Variants in ARID4B observed in about 807,000 individuals in gnomAD.
ARID4B encodes the protein AT-rich interaction domain 4B, also known as AT-rich interactive domain-containing protein 4B.
In ARID4B, 26 loss-of-function variants were observed where a neutral mutation model predicts 147.5. The ratio of observed to expected loss-of-function variants is 0.18; its 90% confidence interval spans 0.13 to 0.24. The LOEUF (loss-of-function observed/expected upper bound fraction) is 0.24, where lower values mean the gene tolerates loss of function less well. ARID4B is among the 10% of genes least tolerant of loss of function. The probability of loss-of-function intolerance (pLI) is 1.00; values close to 1 mark genes in which losing one functional copy is unlikely to be tolerated. For missense variants in ARID4B, 1,179 were observed against 1,511.5 expected (o/e 0.78, Z 3.65); for synonymous variants, 512 against 507.9 (o/e 1.01, Z -0.11).
chr1:235,205,145 A>G (rs924794909), intron 17 of ARID4B, among the ~76,000 whole-genome samples: 11 of 152,316 alleles, frequency 7.2e-5, no homozygotes, highest in African/African-American at 2.4e-4. Context: ...GAGTAGAACA[A>G]CTTTGTACTC....
chr1:235,290,424 T>G (rs1672260900), intron 2 of ARID4B, among the ~76,000 whole-genome samples: 2 of 141,362 alleles, frequency 1.4e-5, no homozygotes, highest in Admixed American at 7.5e-5. Flanking sequence ...CAGAATGAGA[T>G]TCCATCACCA....
At chr1:235,282,291 G>A (rs536717809) in intron 2 of ARID4B, among the ~76,000 whole-genome samples, 2 of 152,280 alleles carry the variant, frequency 1.3e-5, no homozygotes, top group South Asian at 4.1e-4. Context: ...AGATCTACTT[G>A]AGAAATGCAT....
chr1:235,279,836 C>G (rs568914261), intron 2 of ARID4B, among the ~76,000 whole-genome samples: 1 of 152,194 alleles, frequency 6.6e-6, no homozygotes, highest in Non-Finnish European at 1.5e-5. Context: ...ACCCTGGATG[C>G]TGAGTTTTAA....
chr1:235,187,890 A>T (rs528187511), intron 19 of ARID4B, among the ~76,000 whole-genome samples: 1 of 152,346 alleles, frequency 6.6e-6, no homozygotes, highest in Admixed American at 6.5e-5. Flanking sequence ...CTAACAGGAA[A>T]AATATGGGAA....
intron 2 of ARID4B, among the ~76,000 whole-genome samples, chr1:235,262,296 C>A (rs987702973): frequency 1.3e-5 from 2 of 152,070 alleles, no homozygotes; most frequent in Non-Finnish European, 2.9e-5. Context: ...TTATATCAGA[C>A]CTCCATAATG....
intron 2 of ARID4B, among the ~76,000 whole-genome samples, chr1:235,318,326 C>A (rs950225579): frequency 1.3e-5 from 2 of 151,942 alleles, no homozygotes; most frequent in African/African-American, 4.8e-5. Context: ...CAGGCGCCCA[C>A]CACCACACCC....
At chr1:235,240,650 C>T (rs183434364) in intron 7 of ARID4B, among the ~76,000 whole-genome samples, 199 bp from the exon 8 acceptor site, 98 of 152,056 alleles carry the variant, frequency 6.4e-4, no homozygotes, top group Non-Finnish European at 1.2e-3. Flanking sequence ...ATCATTTTCC[C>T]AAAAATATTT....
chr1:235,251,263 G>A (rs1418766214), intron 6 of ARID4B, among the ~76,000 whole-genome samples: 2 of 150,972 alleles, frequency 1.3e-5, no homozygotes, highest in Non-Finnish European at 2.9e-5. Context: ...CAAGAGAAGT[G>A]CAAAACGACC....
Position 235,220,507 on chromosome 1 carries a change from T to C in ARID4B, c.1202A>G (p.Asn401Ser), listed in dbSNP as rs760657631. The change falls in exon 15 of 24, where the codon AAC becomes AGC. Residue 401 changes from asparagine (N) to serine (S), a missense_variant. By Grantham distance (46) the Asn-to-Ser change is conservative. Around this residue, in one of 10 missense-constraint regions of ARID4B, gnomAD observed 204 missense variants for 210.9 expected, o/e 0.97. Transcript: ENST00000264183. The stretch of plus-strand genomic sequence containing the variant: ...TGGCAATGCCATCTGAAATTCAATG[T>C]TGGCTGATCTACAGTACTCCTCAAA... The part of the protein sequence containing the change: ...YGFEEYCRSA[N>S]IEFQMALPEK... 3 of 1,612,306 alleles carry C rather than the reference T, an allele frequency of 1.9e-6. No homozygotes were observed. The highest frequency in any genetic ancestry group is 1.3e-5 in the African/African-American group (1 of 74,896).
chr1:235,190,461 A>G (rs1665018766), intron 19 of ARID4B, among the ~76,000 whole-genome samples: 1 of 50,354 alleles, frequency 2.0e-5, no homozygotes, highest in South Asian at 1.3e-3. Flanking sequence ...AAAAGAAAAG[A>G]AAAAAAAAAG....
At chr1:235,288,175 G>T (rs1933250) in intron 2 of ARID4B, among the ~76,000 whole-genome samples, 20,152 of 152,136 alleles carry the variant, frequency 0.13, 1,871 homozygotes, top group Middle Eastern at 0.21. Flanking sequence ...AGCCAGGCGT[G>T]GTGGTGGGCA....
chr1:235,236,967 G>C (rs1283882102), intron 8 of ARID4B, among the ~76,000 whole-genome samples: 1 of 125,322 alleles, frequency 8.0e-6, no homozygotes, highest in East Asian at 2.7e-4. Flanking sequence ...CCGCCTCCCA[G>C]GTTCAAGCGA....
chr1:235,300,773 G>A (rs779275097), intron 2 of ARID4B, among the ~76,000 whole-genome samples: 2 of 151,988 alleles, frequency 1.3e-5, no homozygotes, highest in Admixed American at 6.6e-5. Context: ...GCAGTGGCAC[G>A]ATCTCAGCTC....
chr1:235,322,375 C>G (rs151018258), intron 2 of ARID4B, among the ~76,000 whole-genome samples: 1 of 152,142 alleles, frequency 6.6e-6, no homozygotes, highest in Non-Finnish European at 1.5e-5. Context: ...CCCTTTTATT[C>G]CTACCCAAAC....
chr1:235,237,452 A>G (rs1668680358), intron 8 of ARID4B, among the ~76,000 whole-genome samples: 2 of 152,214 alleles, frequency 1.3e-5, no homozygotes. Context: ...TATATTTATT[A>G]AAACAAATAA....
In ARID4B at chr1:235,185,703, G is replaced by C. The variant is rs181351713; in HGVS notation, c.2126-2910C>G. Among the ~76,000 whole-genome samples, 398 of 152,296 alleles carry C rather than the reference G, an allele frequency of 2.6e-3. 2 individuals are homozygous for C. Among genetic ancestry groups the C allele is most frequent in the Middle Eastern group, 0.024 (7 of 294 alleles). On this transcript the variant is annotated intron_variant, in intron 19 of 23. Transcript: ENST00000264183. ...CTTACCCTCAAACTTCATTGATTGA[G>C]AGTTTCACGAGGTACAGAATTCTAG...
chr1:235,253,770 C>A lies in ARID4B; in HGVS notation c.275-961G>T, dbSNP rs568102327. 7.9e-5 allele frequency among the ~76,000 whole-genome samples: 12 copies of A among 152,244 alleles called. 1 individual carries two copies. In the South Asian group the frequency reaches 2.5e-3, roughly 32 times the overall value. On this transcript the variant is annotated intron_variant, in intron 5 of 23. Transcript: ENST00000264183. The stretch of plus-strand genomic sequence containing the variant: ...GGGATATGCTACATTCCTTAGAAAT[C>A]ATGGGAAGACAGTAACTCTGTTTTA...
At chr1:235,319,448 C>T (rs1379056608) in intron 2 of ARID4B, among the ~76,000 whole-genome samples, 2 of 152,148 alleles carry the variant, frequency 1.3e-5, no homozygotes, top group African/African-American at 2.4e-5. Flanking sequence ...AAGATCAAGG[C>T]TGCAGTGAGC....
At chr1:235,170,686 C>T (rs1472443042) in intron 23 of ARID4B, among the ~76,000 whole-genome samples, 1 of 151,646 alleles carries the variant, frequency 6.6e-6, no homozygotes, top group Admixed American at 6.6e-5. Context: ...TGCAGTGAGC[C>T]AAGATTGCAC....
Sources: allele counts gnomAD v4.1 joint callset (sites outside exome capture counted in the v4.1 genomes callset), GRCh38; gene constraint gnomAD v4.1.1; regional missense constraint gnomAD v4.1.1; transcripts MANE v1.5; gene names NCBI Gene and HGNC (gene_info 2026-07-23, HGNC 2026-07-21).